FREM1: variants seen among roughly 807,000 people sequenced by gnomAD.
The protein encoded by FREM1 is FRAS1-related extracellular matrix protein 1.
In FREM1, 220 loss-of-function variants were observed where a neutral mutation model predicts 210.1. That is an observed-to-expected ratio of 1.05 (90% confidence interval 0.94 to 1.17). The LOEUF is 1.17. Ranked by LOEUF, FREM1 falls within the 50% of genes most tolerant of loss-of-function variation. The pLI is 0.00. For missense variants in FREM1, 3,454 were observed against 2,675.5 expected (o/e 1.29, Z -6.42); for synonymous variants, 1,189 against 980.2 (o/e 1.21, Z -3.98).
In FREM1 at chr9:14,769,834, G is replaced by C; in HGVS notation, c.5094C>G (p.Asp1698Glu). ...TGTAAAGAATAGTCTTACTGTTTAA[G>C]TCCTTTTGGCTAAATTTCTCATGGA... The part of the protein sequence containing the change: ...EFIHEKFSQK[D>E]LNSKTILYII... Residue 1698 changes from aspartate (D) to glutamate (E), a missense_variant, in exon 27 of 37, where the codon GAC becomes GAG. Transcript: ENST00000380880. 1 of 1,584,754 alleles carries C rather than the reference G, an allele frequency of 6.3e-7. No homozygotes were observed. The highest frequency in any genetic ancestry group is 1.2e-5 in the South Asian group (1 of 85,814).
Position 14,859,461 on chromosome 9 carries a change from A to G in FREM1, c.353T>C (p.Ile118Thr), listed in dbSNP as rs375644504. ...LYRFTERDTF[I>T]ETFILWVYLL... ...ATAGACCCACAGGATAAAAGTTTCT[A>G]TGAAGGTATCTCTTTCAGTAAATCT... is the stretch of plus-strand genomic sequence containing the variant. The change falls in exon 4 of 37, where the codon ATA (isoleucine) becomes ACA (threonine). Residue 118 changes from isoleucine to threonine, a missense_variant. Coordinates refer to ENST00000380880, the MANE Select transcript of FREM1 (RefSeq NM_001379081.2). 2.5e-6 allele frequency: 4 copies of G among 1,613,302 alleles called. No homozygotes were observed. Among genetic ancestry groups the G allele is most frequent in the Non-Finnish European group, 3.4e-6 (4 of 1,179,466 alleles).
intron 22 of FREM1, among the ~76,000 whole-genome samples, chr9:14,792,160 G>A (rs1373523362): frequency 6.6e-6 from 1 of 152,038 alleles, no homozygotes; most frequent in Non-Finnish European, 1.5e-5. Context: ...AGGAGCTAGA[G>A]GCAGCCCTCC....
intron 3 of FREM1, among the ~76,000 whole-genome samples, chr9:14,860,398 C>A (rs551782703): frequency 1.0e-3 from 152 of 151,884 alleles, no homozygotes; most frequent in African/African-American, 3.3e-3. Flanking sequence ...TCTAACCCTG[C>A]ATTTCATGTA....
chr9:14,889,728 ACTC>A lies in FREM1; in HGVS notation c.-268+20183_-268+20185del, dbSNP rs1412700315. Among the ~76,000 whole-genome samples the A allele has an allele frequency of 2.6e-5, 4 of 152,102 alleles. No individual in the cohort carries two copies. In the East Asian group the frequency reaches 7.7e-4, roughly 29 times the overall value. On this transcript the variant is annotated intron_variant, in intron 1 of 36. Coordinates refer to ENST00000380880, the MANE Select transcript of FREM1 (RefSeq NM_001379081.2). ...CTGTCATGAGTAGAGGGAAGGGAAA[ACTC>A]CTTTCCTTCTATGCTCTTAGGTTGT...
intron 10 of FREM1, among the ~76,000 whole-genome samples, chr9:14,828,739 G>A (rs780044910): frequency 9.3e-5 from 14 of 150,858 alleles, no homozygotes; most frequent in Non-Finnish European, 1.5e-4. Flanking sequence ...CATTTATCCC[G>A]TTATAGCAGA....
At chr9:14,840,967 A>C (rs1350910903) in intron 10 of FREM1, among the ~76,000 whole-genome samples, 4 of 152,226 alleles carry the variant, frequency 2.6e-5, no homozygotes, top group Non-Finnish European at 5.9e-5. Flanking sequence ...CCATGAACCA[A>C]AATGTTCTCA....
chr9:14,810,646 T>A (rs1411122096), intron 16 of FREM1, among the ~76,000 whole-genome samples: 2 of 152,208 alleles, frequency 1.3e-5, no homozygotes, highest in African/African-American at 4.8e-5. Flanking sequence ...TAGTAAGATG[T>A]TATTCTATTA....
rs761015686 is a variant in FREM1 at position 14,741,519 on chromosome 9, A to T, written c.6255-1285T>A. ...ATTATTGACTCTCAGCTCCTGTCTGACAGTTACAGCAGGTATGATGAGGCA... is the reference window on the plus strand; with the variant it reads ...ATTATTGACTCTCAGCTCCTGTCTGTCAGTTACAGCAGGTATGATGAGGCA... On this transcript the variant is annotated intron_variant, in intron 35 of 36. Transcript: ENST00000380880. Among the ~76,000 whole-genome samples the T allele has an allele frequency of 7.0e-4, 106 of 152,244 alleles. 1 individual carries two copies. Among genetic ancestry groups the T allele is most frequent in the Middle Eastern group, 3.4e-3 (1 of 294 alleles).
At chr9:14,763,892 C>T (rs1004246046) in intron 27 of FREM1, among the ~76,000 whole-genome samples, 3 of 152,192 alleles carry the variant, frequency 2.0e-5, no homozygotes, top group Non-Finnish European at 4.4e-5. Context: ...ATGGTGAGTG[C>T]TCATTAAATA....
intron 15 of FREM1, among the ~76,000 whole-genome samples, chr9:14,814,765 G>T (rs1179007664): frequency 2.6e-5 from 4 of 151,960 alleles, no homozygotes; most frequent in African/African-American, 4.8e-5. Flanking sequence ...AAAGGCAATA[G>T]AATTAAGAAT....
chr9:14,903,283 T>G (rs144614498), intron 1 of FREM1, among the ~76,000 whole-genome samples: 1 of 152,172 alleles, frequency 6.6e-6, no homozygotes, highest in Non-Finnish European at 1.5e-5. Flanking sequence ...AACCTGATAT[T>G]CTTAAGATGA....
At chr9:14,845,517 C>G (rs1447994022) in intron 8 of FREM1, among the ~76,000 whole-genome samples, 2 of 152,142 alleles carry the variant, frequency 1.3e-5, no homozygotes, top group East Asian at 3.9e-4. Context: ...ATTGGTCAGG[C>G]TGGTCTTGAA....
intron 5 of FREM1, among the ~76,000 whole-genome samples, chr9:14,856,379 C>T (rs1406924116): frequency 2.0e-5 from 3 of 152,192 alleles, no homozygotes; most frequent in South Asian, 2.1e-4. Context: ...GTCTGCCTCA[C>T]AGTTTTTTTC....
intron 20 of FREM1, among the ~76,000 whole-genome samples, chr9:14,798,923 C>A (rs201470773): frequency 1.3e-5 from 2 of 151,116 alleles, no homozygotes; most frequent in African/African-American, 4.9e-5. Flanking sequence ...ATCCACCCAT[C>A]CTGGCCTCCC....
intron 10 of FREM1, among the ~76,000 whole-genome samples, chr9:14,827,230 G>A (rs1187192046): frequency 6.6e-6 from 1 of 152,188 alleles, no homozygotes; most frequent in Non-Finnish European, 1.5e-5. Context: ...CAGAACATTG[G>A]TAGACATACA....
Position 14,860,716 on chromosome 9 carries a change from T to TAC in FREM1, c.330-1234_330-1233dup, listed in dbSNP as rs1212794900. 4.9e-3 allele frequency among the ~76,000 whole-genome samples: 356 copies of TAC among 72,418 alleles called. 8 individuals are homozygous for TAC. The highest frequency in any genetic ancestry group is 0.021 in the African/African-American group (328 of 15,458). The allele number at this position is 72,418 out of a possible 152,430, so 47.5% of individuals were successfully genotyped here. On this transcript the variant is annotated intron_variant, in intron 3 of 36. Coordinates refer to ENST00000380880, the MANE Select transcript of FREM1 (RefSeq NM_001379081.2). Reference sequence around the variant, plus strand: ...ATACACACATATATACACACATATATACACATATATACACATATATACACA... The same window carrying TAC: ...ATACACACATATATACACACATATATACACACATATATACACATATATACACA...
chr9:14,874,433 G>T (rs1433621515), intron 1 of FREM1, among the ~76,000 whole-genome samples: 1 of 150,118 alleles, frequency 6.7e-6, no homozygotes, highest in African/African-American at 2.5e-5. Flanking sequence ...GGCCTTCTTT[G>T]TCTCTTTTGA....
chr9:14,772,582 G>C (rs563073757), intron 25 of FREM1, among the ~76,000 whole-genome samples: 1 of 152,252 alleles, frequency 6.6e-6, no homozygotes, highest in African/African-American at 2.4e-5. Context: ...TGTAGTTTAT[G>C]AATTATTTAC....
chr9:14,852,687 T>G (rs1827995899), intron 5 of FREM1, among the ~76,000 whole-genome samples: 1 of 152,056 alleles, frequency 6.6e-6, no homozygotes, highest in African/African-American at 2.4e-5. Context: ...GAGTGAGACT[T>G]TGTAAAGAAA....
Sources: allele counts gnomAD v4.1 joint callset (sites outside exome capture counted in the v4.1 genomes callset), GRCh38; gene constraint gnomAD v4.1.1; transcripts MANE v1.5; gene names NCBI Gene and HGNC (gene_info 2026-07-23, HGNC 2026-07-21).